The following RBFOX1 variants were observed in gnomAD, a reference collection of about 807,000 sequenced individuals.
RBFOX1 encodes the protein RNA binding fox-1 homolog 1, also known as RNA binding protein fox-1 homolog 1.
In RBFOX1, 8 loss-of-function variants were observed where a neutral mutation model predicts 57.7. The observed-to-expected ratio is 0.14, with a 90% CI of 0.08 to 0.25. The LOEUF is 0.25. Ranked by LOEUF, RBFOX1 falls within the 10% of genes least tolerant of loss-of-function variation. RBFOX1 has a pLI of 1.00. For synonymous variants in RBFOX1, 326 were observed against 222.4 expected (o/e 1.47, Z -4.15); for missense variants, 611 against 548.5 (o/e 1.11, Z -1.14).
chr16:7,573,131 G>T (rs1314438226), intron 5 of RBFOX1, among the ~76,000 whole-genome samples: 1 of 152,124 alleles, frequency 6.6e-6, no homozygotes, highest in Admixed American at 6.6e-5. Flanking sequence ...TTCTCCAATG[G>T]GTGACACCTG....
At chr16:7,567,757 C>A (rs1281794402) in intron 5 of RBFOX1, among the ~76,000 whole-genome samples, 1 of 144,734 alleles carries the variant, frequency 6.9e-6, no homozygotes, top group South Asian at 2.2e-4. Context: ...ATCCATATAA[C>A]CCTATATATA....
intron 2 of RBFOX1, among the ~76,000 whole-genome samples, chr16:5,528,346 C>G (rs925411341): frequency 6.6e-6 from 1 of 152,044 alleles, no homozygotes; most frequent in African/African-American, 2.4e-5. Flanking sequence ...TTTAGAATGC[C>G]CATTTTTAAA....
At chr16:6,875,841 C>T (rs1034037467) in intron 3 of RBFOX1, among the ~76,000 whole-genome samples, 2 of 151,774 alleles carry the variant, frequency 1.3e-5, no homozygotes, top group Non-Finnish European at 1.5e-5. Context: ...CTCATCTCTA[C>T]AAAAAAATTA....
chr16:7,129,321 C>A (rs1420028819), intron 4 of RBFOX1, among the ~76,000 whole-genome samples: 1 of 152,088 alleles, frequency 6.6e-6, no homozygotes, highest in Non-Finnish European at 1.5e-5. Context: ...AGATTTGGGT[C>A]CTGTCTTCAT....
chr16:6,704,712 G>C (rs374966432), intron 3 of RBFOX1: 5 of 152,138 alleles, frequency 3.3e-5, no homozygotes, highest in African/African-American at 7.2e-5. Context: ...GGAACATTCA[G>C]TATTGCAGAA....
At chr16:7,078,088 C>T (rs765904250) in intron 4 of RBFOX1, among the ~76,000 whole-genome samples, 3 of 152,154 alleles carry the variant, frequency 2.0e-5, no homozygotes, top group Non-Finnish European at 4.4e-5. Context: ...CCACTTGCTC[C>T]TCCTCCTCTT....
intron 3 of RBFOX1, among the ~76,000 whole-genome samples, chr16:6,692,921 A>C (rs910020106): frequency 6.6e-6 from 1 of 150,412 alleles, no homozygotes; most frequent in African/African-American, 2.5e-5. Context: ...TCATAGTACT[A>C]CCATCACCAC....
intron 1 of RBFOX1, among the ~76,000 whole-genome samples, chr16:6,265,417 G>A (rs1383353534): frequency 6.6e-6 from 1 of 151,722 alleles, no homozygotes; most frequent in East Asian, 1.9e-4. Context: ...GAGCACCACC[G>A]TGCCCAGCTA....
At chr16:7,058,596 G>C (rs955880970) in intron 4 of RBFOX1, among the ~76,000 whole-genome samples, 21 of 151,624 alleles carry the variant, frequency 1.4e-4, no homozygotes, top group Admixed American at 1.2e-3. Context: ...GTGTGCATGC[G>C]CATGTGTCTT....
intron 4 of RBFOX1, among the ~76,000 whole-genome samples, chr16:7,443,666 G>A (rs1429463547): frequency 6.6e-6 from 1 of 152,150 alleles, no homozygotes; most frequent in African/African-American, 2.4e-5. Context: ...GTCTGTAGAT[G>A]TAGACTTCTG....
chr16:6,582,686 C>A (rs1256939804), intron 2 of RBFOX1, among the ~76,000 whole-genome samples: 1 of 151,238 alleles, frequency 6.6e-6, no homozygotes, highest in Non-Finnish European at 1.5e-5. Flanking sequence ...TCCACCATTT[C>A]TCTCTTCTCA....
intron 5 of RBFOX1, among the ~76,000 whole-genome samples, chr16:7,533,106 C>T (rs7192215): frequency 0.086 from 13,109 of 152,192 alleles, 1,518 homozygotes; most frequent in African/African-American, 0.27. Flanking sequence ...CCAGCACTGC[C>T]TGTAGGGTTT....
intron 1 of RBFOX1, among the ~76,000 whole-genome samples, chr16:5,425,089 C>T (rs1283638598): frequency 7.0e-6 from 1 of 143,404 alleles, no homozygotes; most frequent in African/African-American, 2.6e-5. Flanking sequence ...ATCTATCTAT[C>T]TATCTATCTA....
intron 3 of RBFOX1, among the ~76,000 whole-genome samples, chr16:6,845,730 C>G (rs140872914): frequency 6.6e-6 from 1 of 152,154 alleles, no homozygotes; most frequent in African/African-American, 2.4e-5. Flanking sequence ...ACCCATGTAC[C>G]TCCTTCCTGA....
chr16:6,647,073 A>G (rs548516195), intron 2 of RBFOX1, among the ~76,000 whole-genome samples: 43 of 152,214 alleles, frequency 2.8e-4, no homozygotes, highest in African/African-American at 9.6e-4. Flanking sequence ...TTCAAGATCA[A>G]GGTGCCAGCA....
In RBFOX1 at chr16:5,599,585, A is replaced by G. The variant is rs1596390834; in HGVS notation, c.*336A>G. The G allele has an allele frequency of 1.6e-5, 4 of 246,998 alleles. No individual in the cohort carries two copies. The East Asian group carries it at 3.5e-4, about 22-fold the overall frequency. 15.3% of individuals were successfully genotyped at this position (246,998 alleles called of 1,614,324 possible). On this transcript the variant is annotated 3_prime_UTR_variant, in exon 3 of 3. Transcript: ENST00000585867. ...TTCCCCAAGTGTGACCTGTTTGTGT[A>G]TTGTTGGTGACCTTGGGATGGCACC...
Position 6,780,266 on chromosome 16 carries a change from TATAC to T in RBFOX1, c.-16+125620_-16+125623del, listed in dbSNP as rs1280256831. 5.2e-3 allele frequency among the ~76,000 whole-genome samples: 383 copies of T among 73,692 alleles called. 3 individuals carry two copies. Among genetic ancestry groups the T allele is most frequent in the Middle Eastern group, 0.017 (1 of 60 alleles). 48.3% of individuals were successfully genotyped at this position (73,692 alleles called of 152,430 possible). ...TTACATATATATTTATATATATATT[TATAC>T]ATATATATATTTATACATATATATA... On this transcript the variant is annotated intron_variant, in intron 3 of 15. Coordinates refer to ENST00000550418, the MANE Select transcript of RBFOX1 (RefSeq NM_018723.4).
At chr16:7,685,369 G>A (rs762784732) in intron 14 of RBFOX1, among the ~76,000 whole-genome samples, 2 of 151,964 alleles carry the variant, frequency 1.3e-5, no homozygotes, top group African/African-American at 4.8e-5. Context: ...CCTGGCCCAG[G>A]GCCACAATTA....
intron 4 of RBFOX1, among the ~76,000 whole-genome samples, chr16:5,922,798 G>A (rs370100724): frequency 3.3e-5 from 5 of 152,300 alleles, no homozygotes; most frequent in South Asian, 2.1e-4. Flanking sequence ...AGGGGCTAAC[G>A]CTCTCCATTC....
Sources: allele counts gnomAD v4.1 joint callset (sites outside exome capture counted in the v4.1 genomes callset), GRCh38; gene constraint gnomAD v4.1.1; transcripts MANE v1.5; gene names NCBI Gene and HGNC (gene_info 2026-07-23, HGNC 2026-07-21).